Variants in ANKS1B observed in about 807,000 individuals in gnomAD.
ANKS1B encodes ankyrin repeat and sterile alpha motif domain-containing protein 1B.
A neutral mutation model predicts 148.3 loss-of-function variants in ANKS1B; 36 were observed. The ratio of observed to expected loss-of-function variants is 0.24; its 90% confidence interval spans 0.19 to 0.32. ANKS1B has a LOEUF of 0.32. ANKS1B is among the 10% of genes least tolerant of loss of function. The pLI is 1.00. For synonymous variants in ANKS1B, 542 were observed against 560.8 expected (o/e 0.97, Z 0.47); for missense variants, 1,157 against 1,542.6 (o/e 0.75, Z 4.19).
chr12:99,952,960 C>A (rs769859725), intron 1 of ANKS1B, among the ~76,000 whole-genome samples: 1 of 152,126 alleles, frequency 6.6e-6, no homozygotes, highest in Non-Finnish European at 1.5e-5. Context: ...GACACTCTCT[C>A]CATTTGCTTT....
intron 2 of ANKS1B, among the ~76,000 whole-genome samples, chr12:99,824,789 T>C (rs1057188320): frequency 3.3e-5 from 5 of 152,194 alleles, no homozygotes; most frequent in African/African-American, 9.7e-5. Flanking sequence ...GTTTTACTTA[T>C]TAAAAAAATT....
At chr12:99,790,331 T>A (rs2065487858) in intron 4 of ANKS1B, among the ~76,000 whole-genome samples, 1 of 152,116 alleles carries the variant, frequency 6.6e-6, no homozygotes, top group Non-Finnish European at 1.5e-5. Flanking sequence ...CTGAGGGATT[T>A]CATCAACACC....
At chr12:99,879,481 T>C (rs941412112) in intron 1 of ANKS1B, among the ~76,000 whole-genome samples, 1 of 152,212 alleles carries the variant, frequency 6.6e-6, no homozygotes, top group Non-Finnish European at 1.5e-5. Flanking sequence ...AACAATTCTT[T>C]TGTTTGTATG....
At chr12:99,641,822 T>A (rs2098310008) in intron 9 of ANKS1B, among the ~76,000 whole-genome samples, 1 of 152,184 alleles carries the variant, frequency 6.6e-6, no homozygotes, top group Non-Finnish European at 1.5e-5. Context: ...GTAGACACTA[T>A]ACACCCTTAT....
chr12:98,853,501 A>G (rs1363866343), intron 17 of ANKS1B, among the ~76,000 whole-genome samples: 1 of 152,162 alleles, frequency 6.6e-6, no homozygotes, highest in African/African-American at 2.4e-5. Flanking sequence ...AGTGTCCAGC[A>G]GGAAGGGGCT....
chr12:99,608,516 A>G (rs1264695747), intron 9 of ANKS1B, among the ~76,000 whole-genome samples: 2 of 152,148 alleles, frequency 1.3e-5, no homozygotes, highest in Non-Finnish European at 2.9e-5. Flanking sequence ...TGTCTGTTGT[A>G]TTGAAAACTG....
chr12:99,806,388 C>CT lies in ANKS1B; in HGVS notation c.669+15dup, dbSNP rs1161085570. 6.2e-7 allele frequency: 1 copy of CT among 1,612,134 alleles called. No individual in the cohort carries two copies. On this transcript the variant is annotated intron_variant, in intron 4 of 26. Coordinates refer to ENST00000683438, the MANE Select transcript of ANKS1B (RefSeq NM_001352186.2). ...CAGCATCATCACTTTTAAAGCATAGCTAAAAGCACACTCACTTGACAGCTC... is the reference window on the plus strand; with the variant it reads ...CAGCATCATCACTTTTAAAGCATAGCTTAAAAGCACACTCACTTGACAGCTC...
intron 14 of ANKS1B, among the ~76,000 whole-genome samples, chr12:99,223,298 G>A (rs2085392594): frequency 6.6e-6 from 1 of 152,180 alleles, no homozygotes; most frequent in Non-Finnish European, 1.5e-5. Context: ...TCCATGGGCA[G>A]GGCCCAGGGT....
intron 4 of ANKS1B, among the ~76,000 whole-genome samples, chr12:99,791,114 C>T (rs77623153): frequency 0.026 from 3,993 of 151,916 alleles, 183 homozygotes; most frequent in African/African-American, 0.091. Flanking sequence ...CAAAAAACCA[C>T]AAGAGTAGCT....
chr12:98,918,704 G>A (rs1345390573), intron 17 of ANKS1B, among the ~76,000 whole-genome samples: 1 of 152,190 alleles, frequency 6.6e-6, no homozygotes, highest in African/African-American at 2.4e-5. Flanking sequence ...TATTATATGA[G>A]TGAGTCTACT....
chr12:98,873,279 C>T (rs994102155), intron 17 of ANKS1B, among the ~76,000 whole-genome samples: 2 of 152,176 alleles, frequency 1.3e-5, no homozygotes, highest in African/African-American at 4.8e-5. Context: ...TCCAGGTCAA[C>T]CTCCTGTTTT....
rs945524322 is a variant in ANKS1B at position 99,343,572 on chromosome 12, C to T, written c.1756+56059G>A. 8.5e-5 allele frequency among the ~76,000 whole-genome samples: 13 copies of T among 152,078 alleles called. No homozygotes were observed. The East Asian group carries it at 2.3e-3, about 27-fold the overall frequency. Reference sequence around the variant, plus strand: ...TTGCTCTCCTCTCAGCATCTACAACCTTTTCCTCTCAACTAAATCTTTACT... The same window carrying T: ...TTGCTCTCCTCTCAGCATCTACAACTTTTTCCTCTCAACTAAATCTTTACT... On this transcript the variant is annotated intron_variant, in intron 12 of 26. Transcript: ENST00000683438.
At chr12:98,748,377 G>A (rs905054174) in intron 26 of ANKS1B, among the ~76,000 whole-genome samples, 2 of 152,082 alleles carry the variant, frequency 1.3e-5, no homozygotes, top group African/African-American at 4.8e-5. Context: ...CAAATACAAC[G>A]GGACACTCCT....
chr12:99,916,111 A>C (rs767879242), intron 1 of ANKS1B, among the ~76,000 whole-genome samples: 2 of 152,216 alleles, frequency 1.3e-5, no homozygotes, highest in Admixed American at 6.5e-5. Flanking sequence ...TTTGCAAAGA[A>C]GACCAAGAAC....
chr12:99,281,083 T>C (rs1304670300), intron 12 of ANKS1B, among the ~76,000 whole-genome samples: 2 of 152,104 alleles, frequency 1.3e-5, no homozygotes, highest in African/African-American at 2.4e-5. Flanking sequence ...GAGGATGCTA[T>C]GAACCTAGGG....
At chr12:99,247,697 C>T (rs2074042553) in intron 12 of ANKS1B, among the ~76,000 whole-genome samples, 1 of 152,098 alleles carries the variant, frequency 6.6e-6, no homozygotes, top group Admixed American at 6.6e-5. Flanking sequence ...ATTTAAAATA[C>T]ACCATGCTTT....
At chr12:99,962,289 G>T (rs1254504340) in intron 1 of ANKS1B, among the ~76,000 whole-genome samples, 1 of 152,032 alleles carries the variant, frequency 6.6e-6, no homozygotes, top group African/African-American at 2.4e-5. Context: ...TTATAAATGA[G>T]AACATGCAGT....
chr12:98,911,216 TA>T (rs1019360010), intron 17 of ANKS1B, among the ~76,000 whole-genome samples: 5 of 152,074 alleles, frequency 3.3e-5, no homozygotes, highest in Admixed American at 2.0e-4. Context: ...ACTCTGGGGT[TA>T]AAAAAATGGA....
chr12:99,570,550 G>A (rs1194451377), intron 9 of ANKS1B, among the ~76,000 whole-genome samples: 1 of 151,914 alleles, frequency 6.6e-6, no homozygotes, highest in African/African-American at 2.4e-5. Flanking sequence ...AGGAGGCTGA[G>A]GCAGGAAAAT....
Sources: gnomAD v4.1 joint callset for allele counts (sites outside exome capture counted in the v4.1 genomes callset) on GRCh38, gnomAD v4.1.1 for gene constraint, MANE v1.5 for transcripts, NCBI Gene and HGNC (gene_info 2026-07-23, HGNC 2026-07-21) for gene names.